The following NRXN3 variants were observed in gnomAD, a reference collection of about 807,000 sequenced individuals.
The protein encoded by NRXN3 is neurexin 3, also known as neurexin III.
NRXN3 carries 32 observed loss-of-function variants against 137.6 expected under a neutral mutation model. That is an observed-to-expected ratio of 0.23 (90% CI 0.18 to 0.31). NRXN3 has a LOEUF of 0.31. Among genes scored for constraint, NRXN3 ranks in the 10% least tolerant of loss-of-function variants. The pLI is 1.00. For synonymous variants in NRXN3, 798 were observed against 784.5 expected, an observed-to-expected ratio of 1.02 and a Z score of -0.29; for missense variants, 1,574 against 2,062.5, an observed-to-expected ratio of 0.76 and a Z score of 4.59.
intron 20 of NRXN3, chr14:79,854,303 C>T (rs1345018608): frequency 4.1e-6 from 1 of 243,976 alleles, no homozygotes; most frequent in African/African-American, 2.3e-5. Context: ...TTTCCCAGAA[C>T]AGCTTCTATT....
chr14:78,796,739 A>T (rs2098823141), intron 8 of NRXN3, among the ~76,000 whole-genome samples: 1 of 152,194 alleles, frequency 6.6e-6, no homozygotes, highest in Non-Finnish European at 1.5e-5. Context: ...CCATACACAG[A>T]TGCCTCATCC....
At chr14:78,348,237 C>G (rs929555439) in intron 4 of NRXN3, among the ~76,000 whole-genome samples, 5 of 152,192 alleles carry the variant, frequency 3.3e-5, no homozygotes, top group African/African-American at 9.7e-5. Context: ...CCTATGCATT[C>G]AGAGGCTACG....
At chr14:78,398,730 C>T (rs2091763682) in intron 4 of NRXN3, among the ~76,000 whole-genome samples, 1 of 152,066 alleles carries the variant, frequency 6.6e-6, no homozygotes, top group Non-Finnish European at 1.5e-5. Flanking sequence ...TGACATAACC[C>T]CGAGGGGATG....
chr14:79,598,643 T>C (rs2097888426), intron 16 of NRXN3, among the ~76,000 whole-genome samples: 1 of 152,166 alleles, frequency 6.6e-6, no homozygotes, highest in South Asian at 2.1e-4. Context: ...CTAAGCAGAA[T>C]CTCTTCTACT....
chr14:79,409,596 A>AGT (rs34072420), intron 15 of NRXN3, among the ~76,000 whole-genome samples: 74,085 of 126,936 alleles, frequency 0.58, 23,296 homozygotes, highest in Middle Eastern at 0.72. Flanking sequence ...TGTCTTAGCA[A>AGT]GTGTGTGTGT....
At chr14:79,127,194 T>C (rs2056664796) in intron 15 of NRXN3, among the ~76,000 whole-genome samples, 1 of 152,340 alleles carries the variant, frequency 6.6e-6, no homozygotes, top group South Asian at 2.1e-4. Context: ...ATCCCATTTG[T>C]CAATTTTGGC....
At chr14:78,257,783 T>C (rs1365376420) in intron 2 of NRXN3, among the ~76,000 whole-genome samples, 1 of 152,194 alleles carries the variant, frequency 6.6e-6, no homozygotes, top group Non-Finnish European at 1.5e-5. Flanking sequence ...TGGAAGTTTT[T>C]CAGTTGAATT....
intron 8 of NRXN3, chr14:78,744,309 A>G (rs1019908525): frequency 3.3e-5 from 5 of 152,278 alleles, no homozygotes; most frequent in African/African-American, 1.2e-4. Context: ...TTGTGTTTCT[A>G]GTAGAGGCGG....
chr14:78,581,756 TG>T (rs1473919106), intron 4 of NRXN3, among the ~76,000 whole-genome samples: 1 of 152,208 alleles, frequency 6.6e-6, no homozygotes, highest in African/African-American at 2.4e-5. Flanking sequence ...ACATTGAAAA[TG>T]TATAGTTGGC....
At chr14:79,016,347 A>C (rs1180039414) in intron 15 of NRXN3, among the ~76,000 whole-genome samples, 1 of 152,216 alleles carries the variant, frequency 6.6e-6, no homozygotes, top group Non-Finnish European at 1.5e-5. Context: ...TTTTATGCAG[A>C]AATGCCTGAT....
chr14:79,586,284 C>T (rs567198058), intron 16 of NRXN3, among the ~76,000 whole-genome samples: 6 of 152,222 alleles, frequency 3.9e-5, no homozygotes, highest in East Asian at 1.9e-4. Context: ...AATCATCTTG[C>T]GGAGTTTTAT....
intron 1 of NRXN3, among the ~76,000 whole-genome samples, chr14:78,182,141 T>A (rs879350199): frequency 1.3e-5 from 2 of 151,988 alleles, no homozygotes; most frequent in Non-Finnish European, 2.9e-5. Flanking sequence ...TAGCTAAAAT[T>A]CGTTGAGCAC....
At chr14:79,466,642 C>A (rs1407829506) in intron 15 of NRXN3, among the ~76,000 whole-genome samples, 1 of 151,992 alleles carries the variant, frequency 6.6e-6, no homozygotes, top group South Asian at 2.1e-4. Context: ...TATAGCAACA[C>A]AATAGTGAAA....
At chr14:78,572,259 T>C (rs2096896749) in intron 4 of NRXN3, among the ~76,000 whole-genome samples, 1 of 152,204 alleles carries the variant, frequency 6.6e-6, no homozygotes, top group African/African-American at 2.4e-5. Context: ...GTTCACTCTG[T>C]CTCTGTCTCC....
At chr14:79,809,286 T>C (rs2099222752) in intron 20 of NRXN3, among the ~76,000 whole-genome samples, 1 of 152,192 alleles carries the variant, frequency 6.6e-6, no homozygotes, top group Non-Finnish European at 1.5e-5. Context: ...ATTTTGAGAC[T>C]GGGTAACAAG....
chr14:79,734,046 C>CCAAT (rs1483867286), intron 19 of NRXN3, among the ~76,000 whole-genome samples: 1 of 152,106 alleles, frequency 6.6e-6, no homozygotes, highest in Non-Finnish European at 1.5e-5. Context: ...ACTGATGGTA[C>CCAAT]CAATCATTTT....
intron 8 of NRXN3, among the ~76,000 whole-genome samples, chr14:78,766,158 A>G (rs2098708365): frequency 6.6e-6 from 1 of 152,204 alleles, no homozygotes; most frequent in Admixed American, 6.5e-5. Flanking sequence ...TTTAATAATC[A>G]TGGATGGTCC....
chr14:79,821,043 A>T (rs2099270635), intron 20 of NRXN3, among the ~76,000 whole-genome samples: 1 of 152,076 alleles, frequency 6.6e-6, no homozygotes, highest in Non-Finnish European at 1.5e-5. Context: ...GGCAAAAAAG[A>T]TGGAGGCATT....
At chr14:78,573,895 T>G (rs946378436) in intron 4 of NRXN3, among the ~76,000 whole-genome samples, 1 of 152,188 alleles carries the variant, frequency 6.6e-6, no homozygotes, top group African/African-American at 2.4e-5. Flanking sequence ...TTCAGAGATC[T>G]TCATGGCAGT....
Sources: allele counts gnomAD v4.1 joint callset (sites outside exome capture counted in the v4.1 genomes callset), GRCh38; gene constraint gnomAD v4.1.1; transcripts MANE v1.5; gene names NCBI Gene and HGNC (gene_info 2026-07-23, HGNC 2026-07-21).